The following LARP4 variants were observed in gnomAD, a reference collection of about 807,000 sequenced individuals.
LARP4 encodes the protein la-related protein 4.
Under a neutral mutation model 92.9 loss-of-function variants are expected in LARP4, and 29 were observed. That is an observed-to-expected ratio of 0.31 (90% CI 0.23 to 0.43). The LOEUF is 0.43. Ranked by LOEUF, LARP4 falls within the 20% of genes least tolerant of loss-of-function variation. The pLI is 1.00. For synonymous variants in LARP4, 279 were observed against 284.1 expected, an observed-to-expected ratio of 0.98 and a Z score of 0.18; for missense variants, 732 against 860.0, an observed-to-expected ratio of 0.85 and a Z score of 1.86.
chr12:50,475,646 G>A lies in LARP4; in HGVS notation c.1957G>A (p.Asp653Asn), dbSNP rs746119768. 6.2e-7 allele frequency: 1 copy of A among 1,614,120 alleles called. No individual in the cohort carries two copies. The highest frequency in any genetic ancestry group is 1.1e-5 in the South Asian group (1 of 91,076). The change falls in exon 16 of 16, where the codon GAC becomes AAC. Residue 653 changes from aspartate to asparagine, a missense_variant. Asp to Asn is a conservative substitution (Grantham distance 23). Transcript: ENST00000398473. ...TGTGGTGTCTCCCACCAAAAATGAAGACAATGGAGCTCCTGAGAACTCCGT... is the reference window on the plus strand; with the variant it reads ...TGTGGTGTCTCCCACCAAAAATGAAAACAATGGAGCTCCTGAGAACTCCGT... The part of the protein sequence containing the change: ...SNVVSPTKNE[D>N]NGAPENSVEK...
intron 12 of LARP4, 118 bp from the exon 13 acceptor site, chr12:50,466,840 CT>C: frequency 1.2e-6 from 1 of 851,890 alleles, no homozygotes; most frequent in Non-Finnish European, 1.8e-6. Context: ...GGATACAGTT[CT>C]GTGCATTATA....
At position 50,437,853 on chromosome 12, in the gene LARP4, A is replaced by C. The variant is rs1483495062; in HGVS notation, c.639+15A>C. ...CACCAATAGAGGTAAATTATTAATA[A>C]TTGTTAACACTAAATGTTCTCTGTT... On this transcript the variant is annotated intron_variant, in intron 6 of 15. Coordinates refer to ENST00000398473, the MANE Select transcript of LARP4 (RefSeq NM_052879.5). 7.1e-7 allele frequency: 1 copy of C among 1,412,300 alleles called. No homozygotes were observed. Among genetic ancestry groups the C allele is most frequent in the South Asian group, 1.2e-5 (1 of 84,498 alleles). The allele number at this position is 1,412,300 out of a possible 1,614,324, so 87.5% of individuals were successfully genotyped here.
At chr12:50,464,332 A>T (rs1047054991) in intron 12 of LARP4, among the ~76,000 whole-genome samples, 1 of 152,264 alleles carries the variant, frequency 6.6e-6, no homozygotes, top group Admixed American at 6.5e-5. Flanking sequence ...ACATGGCAGA[A>T]GTAGGAGAGA....
intron 8 of LARP4, 64 bp downstream of exon 8, chr12:50,441,707 A>C: frequency 3.3e-6 from 4 of 1,199,742 alleles, no homozygotes; most frequent in Non-Finnish European, 4.8e-6. Context: ...GAATTTAAAA[A>C]ATACAGACAG....
At chr12:50,434,658 C>G (rs549045520) in intron 4 of LARP4, among the ~76,000 whole-genome samples, 6 of 151,602 alleles carry the variant, frequency 4.0e-5, no homozygotes, top group African/African-American at 1.2e-4. Flanking sequence ...CCACCCGCCT[C>G]GGCGTCCCAA....
At chr12:50,469,601 C>CA (rs757844912) in intron 13 of LARP4, among the ~76,000 whole-genome samples, 48,415 of 65,496 alleles carry the variant, frequency 0.74, 19,656 homozygotes, top group Non-Finnish European at 0.9. Context: ...GAGACTCTAT[C>CA]AAAAAAAAAA....
chr12:50,421,350 T>G (rs1947755964), intron 1 of LARP4: 1 of 921,650 alleles, frequency 1.1e-6, no homozygotes, highest in Non-Finnish European at 1.3e-6. Context: ...AGCATTTTAA[T>G]GGAATGCTTT....
intron 8 of LARP4, among the ~76,000 whole-genome samples, chr12:50,449,158 A>G (rs1213462074): frequency 1.3e-5 from 2 of 152,156 alleles, no homozygotes; most frequent in East Asian, 3.9e-4. Context: ...CCCGAGAATC[A>G]TTTGATCCTT....
At chr12:50,468,004 G>A (rs1186204490) in intron 13 of LARP4, among the ~76,000 whole-genome samples, 1 of 151,650 alleles carries the variant, frequency 6.6e-6, no homozygotes, top group African/African-American at 2.4e-5. Flanking sequence ...CTTTTGAGAT[G>A]GAGTCTTGCT....
chr12:50,401,074 G>C, intron 1 of LARP4, 46 bp downstream of exon 1: 1 of 1,606,556 alleles, frequency 6.2e-7, no homozygotes, highest in South Asian at 1.1e-5. Context: ...GAGAGCAGGA[G>C]TGTAGAGGCG....
intron 1 of LARP4, among the ~76,000 whole-genome samples, chr12:50,409,808 A>ATTTTTTTTT (rs555627639): frequency 5.3e-5 from 8 of 149,874 alleles, no homozygotes; most frequent in Admixed American, 4.0e-4. Flanking sequence ...TATTATTATT[A>ATTTTTTTTT]TTTTTTTAAG....
chr12:50,446,009 T>TC (rs1293121269), intron 8 of LARP4, among the ~76,000 whole-genome samples: 4 of 147,044 alleles, frequency 2.7e-5, no homozygotes, highest in Non-Finnish European at 4.5e-5. Flanking sequence ...TTTTCTTTTT[T>TC]TTTTTTTTTT....
intron 1 of LARP4, among the ~76,000 whole-genome samples, chr12:50,426,712 T>G (rs868562208): frequency 7.2e-6 from 1 of 138,058 alleles, no homozygotes; most frequent in African/African-American, 3.0e-5. Flanking sequence ...TGTGTGTGTG[T>G]GTGTGTGTGT....
chr12:50,473,229 G>T (rs553562018), intron 13 of LARP4, among the ~76,000 whole-genome samples, 186 bp from the exon 14 acceptor site: 1 of 152,166 alleles, frequency 6.6e-6, no homozygotes, highest in South Asian at 2.1e-4. Context: ...CCCAACATTT[G>T]TTAATGTTTG....
Position 50,478,679 on chromosome 12 carries a change from T to C in LARP4, c.*2815T>C. 1 of 152,114 alleles carries C rather than the reference T, an allele frequency of 6.6e-6. No homozygotes were observed. The highest frequency in any genetic ancestry group is 1.5e-5 in the Non-Finnish European group (1 of 67,966). 9.4% of individuals were successfully genotyped at this position (152,114 alleles called of 1,614,324 possible). A position where few individuals can be genotyped will look rare whatever the true frequency, so the allele number is the denominator to read the frequency against. Reference sequence around the variant, plus strand: ...ATGAAGAGAACAAGAGTCACACAAGTTCACCACTTTGCACTTCATAGAGAA... The same window carrying C: ...ATGAAGAGAACAAGAGTCACACAAGCTCACCACTTTGCACTTCATAGAGAA... On this transcript the variant is annotated 3_prime_UTR_variant, in exon 16 of 16. Transcript: ENST00000398473.
chr12:50,423,366 C>T (rs114874974), intron 1 of LARP4, among the ~76,000 whole-genome samples: 1,988 of 152,172 alleles, frequency 0.013, 47 homozygotes, highest in African/African-American at 0.044. Context: ...TAGAATGCGT[C>T]GGTGTTTGTG....
chr12:50,469,499 G>A (rs1956630160), intron 13 of LARP4, among the ~76,000 whole-genome samples: 1 of 151,198 alleles, frequency 6.6e-6, no homozygotes, highest in African/African-American at 2.4e-5. Context: ...AGCTTCTCCG[G>A]AGGCTGAGGC....
intron 1 of LARP4, among the ~76,000 whole-genome samples, chr12:50,409,578 T>C (rs1031034873): frequency 6.6e-6 from 1 of 151,924 alleles, no homozygotes; most frequent in Non-Finnish European, 1.5e-5. Context: ...CTGGCCAACA[T>C]GGCAAAACCC....
chr12:50,429,826 A>G lies in LARP4; in HGVS notation c.323-669A>G, dbSNP rs189757131. On this transcript the variant is annotated intron_variant, in intron 3 of 15. Transcript: ENST00000398473. ...GCTAATTTTTGTATTTTTAGTAAAG[A>G]TGGTGTTTCACCATGTTGGCCAGGC... Among the ~76,000 whole-genome samples, 318 of 152,070 alleles carry G rather than the reference A, an allele frequency of 2.1e-3. 1 individual carries two copies. Among genetic ancestry groups the G allele is most frequent in the African/African-American group, 6.7e-3 (278 of 41,482 alleles).
Sources: gnomAD v4.1 joint callset for allele counts (sites outside exome capture counted in the v4.1 genomes callset) on GRCh38, gnomAD v4.1.1 for gene constraint, MANE v1.5 for transcripts, NCBI Gene and HGNC (gene_info 2026-07-23, HGNC 2026-07-21) for gene names.